Variants in LINGO2 observed in about 807,000 individuals in gnomAD.
LINGO2 encodes leucine-rich repeat and immunoglobulin-like domain-containing nogo receptor-interacting protein 2.
LINGO2 carries 14 observed loss-of-function variants against 30.6 expected under a neutral mutation model. That is an observed-to-expected ratio of 0.46 (90% CI 0.30 to 0.72). The LOEUF (loss-of-function observed/expected upper bound fraction) is 0.72, where lower values mean the gene tolerates loss of function less well. Ranked by LOEUF, LINGO2 falls within the 30% of genes least tolerant of loss-of-function variation. The pLI is 0.07. For synonymous variants in LINGO2, 317 were observed against 288.5 expected (o/e 1.10, Z -1.00); for missense variants, 729 against 751.7 (o/e 0.97, Z 0.35).
intron 4 of LINGO2, among the ~76,000 whole-genome samples, chr9:28,077,323 C>T (rs1825654092): frequency 6.6e-6 from 1 of 152,080 alleles, no homozygotes; most frequent in Non-Finnish European, 1.5e-5. Context: ...AATTATTTCC[C>T]AGAAAATCAT....
intron 1 of LINGO2, among the ~76,000 whole-genome samples, chr9:28,499,533 C>T (rs1181751527): frequency 6.6e-6 from 1 of 152,126 alleles, no homozygotes; most frequent in Non-Finnish European, 1.5e-5. Flanking sequence ...TTTATTTAGA[C>T]ATATATGGTT....
the LINGO2 span, among the ~76,000 whole-genome samples, chr9:28,824,881 A>G: frequency 6.6e-6 from 1 of 152,190 alleles, no homozygotes; most frequent in Non-Finnish European, 1.5e-5. Flanking sequence ...AACTTGTAGT[A>G]TGACCTTAAG....
chr9:28,488,075 C>T (rs1023984468), intron 1 of LINGO2, among the ~76,000 whole-genome samples: 3 of 152,114 alleles, frequency 2.0e-5, no homozygotes, highest in Admixed American at 2.0e-4. Flanking sequence ...CTTACCAAAC[C>T]AAATGACAGT....
chr9:28,973,289 GAA>G, the LINGO2 span, among the ~76,000 whole-genome samples: 1 of 152,108 alleles, frequency 6.6e-6, no homozygotes, highest in Non-Finnish European at 1.5e-5. Flanking sequence ...AACAGCAAGA[GAA>G]AAGAAACAAA....
At chr9:28,771,353 T>G in the LINGO2 span, among the ~76,000 whole-genome samples, 2 of 152,032 alleles carry the variant, frequency 1.3e-5, no homozygotes, top group Non-Finnish European at 2.9e-5. Flanking sequence ...CCTCTAGAAT[T>G]TACTATTTCA....
At chr9:29,123,481 C>A in the LINGO2 span, among the ~76,000 whole-genome samples, 1 of 151,774 alleles carries the variant, frequency 6.6e-6, no homozygotes, top group African/African-American at 2.4e-5. Context: ...TACCCTGAGG[C>A]TTTAATAAGC....
the LINGO2 span, among the ~76,000 whole-genome samples, chr9:29,083,733 C>A: frequency 1.3e-5 from 2 of 152,010 alleles, no homozygotes; most frequent in Admixed American, 6.6e-5. Flanking sequence ...TCCTTTTAAA[C>A]AGAAATTGTG....
the LINGO2 span, among the ~76,000 whole-genome samples, chr9:28,923,142 CCTG>C: frequency 6.6e-6 from 1 of 152,106 alleles, no homozygotes; most frequent in Non-Finnish European, 1.5e-5. Context: ...CTGCTGGCAC[CCTG>C]CTTTCAGCCC....
chr9:28,256,399 C>T (rs1564078280), intron 4 of LINGO2, among the ~76,000 whole-genome samples: 1 of 151,746 alleles, frequency 6.6e-6, no homozygotes, highest in African/African-American at 2.4e-5. Flanking sequence ...GTCCTTCATG[C>T]TAGACCGAAT....
the LINGO2 span, chr9:28,863,519 A>C: frequency 1.1e-5 from 5 of 436,290 alleles, no homozygotes; most frequent in South Asian, 8.2e-5. Flanking sequence ...TATATTTACC[A>C]GGGATCTCTT....
the LINGO2 span, among the ~76,000 whole-genome samples, chr9:28,977,667 A>G: frequency 6.6e-6 from 1 of 152,280 alleles, no homozygotes; most frequent in Non-Finnish European, 1.5e-5. Flanking sequence ...ATCACTGTAT[A>G]CATACATGTA....
At chr9:28,886,073 C>T in the LINGO2 span, among the ~76,000 whole-genome samples, 1 of 152,038 alleles carries the variant, frequency 6.6e-6, no homozygotes, top group Admixed American at 6.6e-5. Context: ...AGTATTGATA[C>T]AAATAAATAG....
intron 1 of LINGO2, among the ~76,000 whole-genome samples, chr9:28,633,368 C>T (rs1827093679): frequency 6.6e-6 from 1 of 152,032 alleles, no homozygotes; most frequent in Non-Finnish European, 1.5e-5. Flanking sequence ...AAAGGTGAAA[C>T]CGAGATGCAA....
chr9:28,262,090 A>C (rs1343818337), intron 4 of LINGO2, among the ~76,000 whole-genome samples: 1 of 151,964 alleles, frequency 6.6e-6, no homozygotes, highest in African/African-American at 2.4e-5. Flanking sequence ...GATCTATGTA[A>C]AATCTTCCTT....
In LINGO2 at chr9:28,362,962, T is replaced by C. The variant is rs530061351; in HGVS notation, c.-246+9874A>G. On this transcript the variant is annotated intron_variant, in intron 3 of 5. Transcript: ENST00000379992. ...AGTAAGAACTTAAGGGAACTGCTTA[T>C]ACATATGGTCAAAGTGTAGAGTGTG... 3.3e-5 allele frequency among the ~76,000 whole-genome samples: 5 copies of C among 152,346 alleles called. 1 individual carries two copies. Among genetic ancestry groups the C allele is most frequent in the African/African-American group, 1.2e-4 (5 of 41,586 alleles).
chr9:28,748,286 A>G, the LINGO2 span, among the ~76,000 whole-genome samples: 1 of 152,074 alleles, frequency 6.6e-6, no homozygotes, highest in Non-Finnish European at 1.5e-5. Context: ...TATGTTTAAC[A>G]TAGCCTACAT....
the LINGO2 span, among the ~76,000 whole-genome samples, chr9:28,865,152 C>T: frequency 6.6e-6 from 1 of 152,114 alleles, no homozygotes; most frequent in African/African-American, 2.4e-5. Context: ...AAAGAAATAA[C>T]GTGATTTTTA....
the LINGO2 span, among the ~76,000 whole-genome samples, chr9:29,143,705 C>T: frequency 6.6e-6 from 1 of 151,996 alleles, no homozygotes; most frequent in Non-Finnish European, 1.5e-5. Context: ...AAAACTTTCC[C>T]CCATTCTGTA....
At chr9:28,131,068 G>GT (rs1827365740) in intron 4 of LINGO2, among the ~76,000 whole-genome samples, 2 of 151,396 alleles carry the variant, frequency 1.3e-5, no homozygotes, top group Non-Finnish European at 2.9e-5. Context: ...CATAATGAAG[G>GT]TTTTTTAAAA....
Sources: gnomAD v4.1 joint callset for allele counts (sites outside exome capture counted in the v4.1 genomes callset) on GRCh38, gnomAD v4.1.1 for gene constraint, MANE v1.5 for transcripts, NCBI Gene and HGNC (gene_info 2026-07-23, HGNC 2026-07-21) for gene names.